IL12B: variants seen among roughly 807,000 people sequenced by gnomAD.
IL12B encodes the protein interleukin 12B.
A neutral mutation model predicts 39.2 loss-of-function variants in IL12B; 27 were observed. That is an observed-to-expected ratio of 0.69 (90% CI 0.51 to 0.95). The LOEUF (loss-of-function observed/expected upper bound fraction) is 0.95, where lower values mean the gene tolerates loss of function less well. IL12B is among the 40% of genes least tolerant of loss of function. The pLI, the probability that IL12B is intolerant of heterozygous loss-of-function variation, is 0.00. For missense variants in IL12B, 351 were observed against 397.6 expected (o/e 0.88, Z 1.00); for synonymous variants, 142 against 152.1 (o/e 0.93, Z 0.49).
chr5:159,323,943 G>C (rs1216128853), intron 2 of IL12B, among the ~76,000 whole-genome samples: 1 of 150,844 alleles, frequency 6.6e-6, no homozygotes, highest in Non-Finnish European at 1.5e-5. Context: ...CACAGTGTCT[G>C]CCACACAGTA....
rs370209311 is a variant in IL12B at position 159,322,380 on chromosome 5, G to A, written c.482+14C>T. 2.8e-6 allele frequency: 4 copies of A among 1,452,494 alleles called. No individual in the cohort carries two copies. In the African/African-American group the frequency reaches 5.6e-5, roughly 20 times the overall value. 90.0% of individuals were successfully genotyped at this position (1,452,494 alleles called of 1,614,324 possible). Reference sequence around the variant, plus strand: ...TCTAGAAAAATGCTGAGAAACCAGAGCAGTTTCACTCACCCTCTGCTGCTT... The same window carrying A: ...TCTAGAAAAATGCTGAGAAACCAGAACAGTTTCACTCACCCTCTGCTGCTT... On this transcript the variant is annotated intron_variant, in intron 4 of 7. Coordinates refer to ENST00000231228, the MANE Select transcript of IL12B (RefSeq NM_002187.3).
rs376309068 is a variant in IL12B, at chr5:159,320,969, C to A, written c.483-449G>T. 2.6e-4 allele frequency among the ~76,000 whole-genome samples: 40 copies of A among 151,558 alleles called. No individual in the cohort carries two copies. In the East Asian group the frequency reaches 7.2e-3, roughly 27 times the overall value. ...TAATAGCTTGTTGTATCCTTCCAGA[C>A]CTTCCTTTTTCTTTTTCTTTCTCTC... is the stretch of plus-strand genomic sequence containing the variant. On this transcript the variant is annotated intron_variant, in intron 4 of 7. Coordinates refer to ENST00000231228, the MANE Select transcript of IL12B (RefSeq NM_002187.3).
chr5:159,321,043 A>G (rs1754080126), intron 4 of IL12B, among the ~76,000 whole-genome samples: 1 of 149,214 alleles, frequency 6.7e-6, no homozygotes, highest in African/African-American at 2.5e-5. Context: ...TCTGCCACCC[A>G]GGCTGGAGTG....
At chr5:159,321,073 C>T (rs1041879165) in intron 4 of IL12B, among the ~76,000 whole-genome samples, 1 of 151,812 alleles carries the variant, frequency 6.6e-6, no homozygotes, top group African/African-American at 2.4e-5. Context: ...AATCAGACCC[C>T]ACTGTAGCCT....
At chr5:159,328,174 C>G (rs1348853442) in intron 1 of IL12B, among the ~76,000 whole-genome samples, 2 of 152,202 alleles carry the variant, frequency 1.3e-5, no homozygotes, top group African/African-American at 4.8e-5. Context: ...TTGTGAGTGG[C>G]AGAGACAGGC....
chr5:159,318,662 A>G (rs1754029919), intron 6 of IL12B, 74 bp downstream of exon 6: 2 of 1,285,632 alleles, frequency 1.6e-6, no homozygotes, highest in Admixed American at 1.7e-5. Context: ...TATTATCATC[A>G]TTCATCTTCT....
rs932548323 is a variant in IL12B, at chr5:159,323,471, C to T, written c.89-142G>A. On this transcript the variant is annotated intron_variant, in intron 2 of 7. Coordinates refer to ENST00000231228, the MANE Select transcript of IL12B (RefSeq NM_002187.3). Reference sequence around the variant, plus strand: ...TTTGGCAAATGCTTGCTGAGATGATCTCAAGGCATGAGACCCTGCTTGGGC... The same window carrying T: ...TTTGGCAAATGCTTGCTGAGATGATTTCAAGGCATGAGACCCTGCTTGGGC... 5.0e-6 allele frequency: 4 copies of T among 801,102 alleles called. No homozygotes were observed. The African/African-American group carries it at 6.8e-5, about 14-fold the overall frequency. The allele number at this position is 801,102 out of a possible 1,614,324, so 49.6% of individuals were successfully genotyped here.
chr5:159,326,488 C>T (rs1468389634), intron 2 of IL12B, among the ~76,000 whole-genome samples: 1 of 152,142 alleles, frequency 6.6e-6, no homozygotes, highest in East Asian at 1.9e-4. Context: ...CATAGTGTAC[C>T]AATGTCATCC....
rs1171458402 is a variant in IL12B at position 159,315,878 on chromosome 5, G to A, written c.*223C>T. On this transcript the variant is annotated 3_prime_UTR_variant, in exon 8 of 8. Coordinates refer to ENST00000231228, the MANE Select transcript of IL12B (RefSeq NM_002187.3). ...TATTTAAATAGCATGAAGGCCCATGGCAACTTGAGAGCTGGAAAATCTATA... is the reference window on the plus strand; with the variant it reads ...TATTTAAATAGCATGAAGGCCCATGACAACTTGAGAGCTGGAAAATCTATA... 6.6e-6 allele frequency: 1 copy of A among 152,422 alleles called. No individual in the cohort carries two copies. The highest frequency in any genetic ancestry group is 1.5e-5 in the Non-Finnish European group (1 of 68,038). The allele number at this position is 152,422 out of a possible 1,614,324, so 9.4% of individuals were successfully genotyped here.
chr5:159,314,825 A>AAAAT lies in IL12B; in HGVS notation c.*1272_*1275dup, dbSNP rs886060351. On this transcript the variant is annotated 3_prime_UTR_variant, in exon 8 of 8. Coordinates refer to ENST00000231228, the MANE Select transcript of IL12B (RefSeq NM_002187.3). The stretch of plus-strand genomic sequence containing the variant: ...TTTATTAGTTCAGCCTCAGAATGCA[A>AAAAT]AAATAAATAAATAAATAAACAAACA... The AAAAT allele has an allele frequency of 2.0e-5, 3 of 152,378 alleles. No homozygotes were observed. Among genetic ancestry groups the AAAAT allele is most frequent in the Admixed American group, 6.5e-5 (1 of 15,290 alleles). The allele number at this position is 152,378 out of a possible 1,614,324, so 9.4% of individuals were successfully genotyped here. A position where few individuals can be genotyped will look rare whatever the true frequency, so the allele number is the denominator to read the frequency against.
intron 2 of IL12B, among the ~76,000 whole-genome samples, chr5:159,324,667 C>T (rs1754157726): frequency 6.6e-6 from 1 of 152,210 alleles, no homozygotes; most frequent in Non-Finnish European, 1.5e-5. Context: ...TTTGGCAAGA[C>T]ATTCAACTAC....
Position 159,314,971 on chromosome 5 carries a change from T to G in IL12B, c.*1130A>C, listed in dbSNP as rs1051266390. On this transcript the variant is annotated 3_prime_UTR_variant, in exon 8 of 8. Coordinates refer to ENST00000231228, the MANE Select transcript of IL12B (RefSeq NM_002187.3). ...TTCATTCATGCTAATGAGAAAGGGA[T>G]TCCAGATTTTCTTTGCATCTGTCTG... The G allele has an allele frequency of 1.3e-5, 2 of 152,364 alleles. No individual in the cohort carries two copies. The highest frequency in any genetic ancestry group is 2.9e-5 in the Non-Finnish European group (2 of 68,050). The allele number at this position is 152,364 out of a possible 1,614,324, so 9.4% of individuals were successfully genotyped here. A position where few individuals can be genotyped will look rare whatever the true frequency, so the allele number is the denominator to read the frequency against.
chr5:159,317,305 C>T (rs981433260), intron 6 of IL12B, among the ~76,000 whole-genome samples: 2 of 152,110 alleles, frequency 1.3e-5, no homozygotes, highest in African/African-American at 4.8e-5. Flanking sequence ...AACAATAATG[C>T]CTACTTCATA....
In IL12B at chr5:159,320,433, T is replaced by C; in HGVS notation, c.570A>G (p.Ser190=). The part of the protein sequence containing the change: ...VRGDNKEYEY[S]VECQEDSACP... ...AGGCACTGTCCTCCTGGCACTCCAC[T>C]GAGTACTCATACTCCTTGTTGTCCC... Residue 190 remains serine (S), a synonymous_variant, in exon 5 of 8, where the codon TCA becomes TCG. Transcript: ENST00000231228. 6.2e-7 allele frequency: 1 copy of C among 1,614,116 alleles called. No individual in the cohort carries two copies. The highest frequency in any genetic ancestry group is 8.5e-7 in the Non-Finnish European group (1 of 1,179,942).
In IL12B at chr5:159,316,781, C is replaced by G. The variant is rs186003445; in HGVS notation, c.891G>C (p.Thr297=). 2.5e-6 allele frequency: 4 copies of G among 1,614,094 alleles called. No individual in the cohort carries two copies. In the East Asian group the frequency reaches 8.9e-5, roughly 36 times the overall value. Residue 297 remains threonine (T), a synonymous_variant, in exon 7 of 8, where the codon ACG becomes ACC. Transcript: ENST00000231228. ...TGCTGGCATTTTTGCGGCAGATGAC[C>G]GTGGCTGAGGTCTTGTCCGTGAAGA... ...DRVFTDKTSA[T]VICRKNASIS...
At chr5:159,316,931 A>G (rs1754000512) in intron 6 of IL12B, 115 bp from the exon 7 acceptor site, 10 of 1,188,328 alleles carry the variant, frequency 8.4e-6, no homozygotes, top group Non-Finnish European at 1.3e-5. Flanking sequence ...GTCTTAGGGC[A>G]CTGTGCTTGC....
At chr5:159,321,595 C>G (rs997937048) in intron 4 of IL12B, among the ~76,000 whole-genome samples, 63 of 152,246 alleles carry the variant, frequency 4.1e-4, no homozygotes, top group African/African-American at 1.4e-3. Context: ...GGGTTATCCA[C>G]TTCAATGACT....
intron 2 of IL12B, chr5:159,325,469 G>T (rs1754169240): frequency 6.6e-6 from 1 of 152,156 alleles, no homozygotes; most frequent in Non-Finnish European, 1.5e-5. Flanking sequence ...AATATCAAAA[G>T]ATTATTTCTG....
chr5:159,329,925 C>T (rs188809856), intron 1 of IL12B, among the ~76,000 whole-genome samples: 1 of 152,260 alleles, frequency 6.6e-6, no homozygotes, highest in Admixed American at 6.5e-5. Flanking sequence ...TCCCAGCTGT[C>T]ATTTTGGTTG....
Sources: gnomAD v4.1 joint callset for allele counts (sites outside exome capture counted in the v4.1 genomes callset) on GRCh38, gnomAD v4.1.1 for gene constraint, MANE v1.5 for transcripts, NCBI Gene and HGNC (gene_info 2026-07-23, HGNC 2026-07-21) for gene names.